Variants in TMEM181 observed in about 807,000 individuals in gnomAD.
TMEM181 encodes transmembrane protein 181.
A neutral mutation model predicts 71.9 loss-of-function variants in TMEM181; 39 were observed. That is an observed-to-expected ratio of 0.54 (90% CI 0.42 to 0.71). TMEM181 has a LOEUF of 0.71. Among genes scored for constraint, TMEM181 ranks in the 30% least tolerant of loss-of-function variants. The probability of loss-of-function intolerance (pLI) is 0.00; values close to 1 mark genes in which losing one functional copy is unlikely to be tolerated. For missense variants in TMEM181, 595 were observed against 583.0 expected, an observed-to-expected ratio of 1.02 and a Z score of -0.21; for synonymous variants, 245 against 228.8, an observed-to-expected ratio of 1.07 and a Z score of -0.64.
chr6:158,628,624 G>A (rs1334369085), intron 14 of TMEM181, 134 bp downstream of exon 14: 19 of 713,782 alleles, frequency 2.7e-5, no homozygotes, highest in Non-Finnish European at 4.4e-5. Flanking sequence ...CCTCGTCTCT[G>A]CTGAGAGGTG....
intron 5 of TMEM181, among the ~76,000 whole-genome samples, chr6:158,589,276 G>A (rs1260683038): frequency 2.0e-5 from 3 of 152,204 alleles, no homozygotes; most frequent in Non-Finnish European, 4.4e-5. Flanking sequence ...TATAACAATC[G>A]CAAAATTGGG....
At chr6:158,559,537 A>C (rs1782033131), upstream of TMEM181, among the ~76,000 whole-genome samples, 1 of 152,224 alleles carries the variant, frequency 6.6e-6, no homozygotes, top group South Asian at 2.1e-4. Flanking sequence ...GGGAACACTG[A>C]GCCAAGATGC....
Position 158,573,520 on chromosome 6 carries a change from A to G in TMEM181, c.109A>G (p.Arg37Gly). 1 of 1,602,956 alleles carries G rather than the reference A, an allele frequency of 6.2e-7. No individual in the cohort carries two copies. Among genetic ancestry groups the G allele is most frequent in the South Asian group, 1.1e-5 (1 of 89,046 alleles). Residue 37 changes from arginine to glycine, a missense_variant, in exon 2 of 17, where the codon AGA (arginine) becomes GGA (glycine). Physicochemically the swap from Arg to Gly is moderately radical, Grantham distance 125. Transcript: ENST00000684151. ...TGGCCTGACCATCTTCGTTGGGATCAGAGGTAAGGTTCGGTTTTTACTCAT... is the reference window on the plus strand; with the variant it reads ...TGGCCTGACCATCTTCGTTGGGATCGGAGGTAAGGTTCGGTTTTTACTCAT... ...CFGLTIFVGI[R>G]GPKVIQTSAA...
At chr6:158,587,123 C>T (rs1057120197) in intron 5 of TMEM181, among the ~76,000 whole-genome samples, 8 of 152,230 alleles carry the variant, frequency 5.3e-5, no homozygotes, top group Admixed American at 2.0e-4. Flanking sequence ...TGAGACCCAT[C>T]GTCCTGGTTT....
At chr6:158,584,267 C>T (rs1028872295) in intron 4 of TMEM181, among the ~76,000 whole-genome samples, 1 of 152,220 alleles carries the variant, frequency 6.6e-6, no homozygotes, top group Non-Finnish European at 1.5e-5. Context: ...TGGTTAGCTC[C>T]GCTCAGTGGC....
rs557553755 is a variant in TMEM181, at chr6:158,591,665, A to ATCAT, written c.492+1886_492+1889dup. On this transcript the variant is annotated intron_variant, in intron 6 of 16. Coordinates refer to ENST00000684151, the MANE Select transcript of TMEM181 (RefSeq NM_001376852.1). ...GTGCTTTAGACTTTGCTATTTCAGAATCATTCTGATTCAACAGTGCAGACA... is the reference window on the plus strand; with the variant it reads ...GTGCTTTAGACTTTGCTATTTCAGAATCATTCATTCTGATTCAACAGTGCAGACA... Among the ~76,000 whole-genome samples the ATCAT allele has an allele frequency of 2.0e-4, 31 of 152,136 alleles. No individual in the cohort carries two copies. The South Asian group carries it at 6.4e-3, about 32-fold the overall frequency.
Position 158,631,748 on chromosome 6 carries a change from TG to T in TMEM181, c.1350-60del, listed in dbSNP as rs1217846852. 5 of 1,504,842 alleles carry T rather than the reference TG, an allele frequency of 3.3e-6. 1 individual carries two copies. Among genetic ancestry groups the T allele is most frequent in the Non-Finnish European group, 4.5e-6 (5 of 1,103,352 alleles). 93.2% of individuals were successfully genotyped at this position (1,504,842 alleles called of 1,614,324 possible). A position where few individuals can be genotyped will look rare whatever the true frequency, so the allele number is the denominator to read the frequency against. On this transcript the variant is annotated intron_variant, in intron 16 of 16. Coordinates refer to ENST00000684151, the MANE Select transcript of TMEM181 (RefSeq NM_001376852.1). The stretch of plus-strand genomic sequence containing the variant: ...TTCCTGCTGGAATGGTGTGTCAGTG[TG>T]GAAGAGGAAAATAAAGAGCTGTCAG...
intron 14 of TMEM181, 143 bp from the exon 15 acceptor site, chr6:158,629,587 G>T: frequency 1.5e-6 from 1 of 656,940 alleles, no homozygotes; most frequent in South Asian, 1.9e-5. Flanking sequence ...GTGGAGTCCT[G>T]ACGTCTGGGT....
intron 10 of TMEM181, among the ~76,000 whole-genome samples, chr6:158,616,249 G>A (rs7775863): frequency 0.6 from 91,167 of 151,718 alleles, 27,726 homozygotes; most frequent in African/African-American, 0.67. Flanking sequence ...TGAAGCAATT[G>A]TGAATGGGAG....
chr6:158,579,483 A>AG (rs1350634278), intron 2 of TMEM181, among the ~76,000 whole-genome samples: 4 of 152,110 alleles, frequency 2.6e-5, no homozygotes, highest in Non-Finnish European at 2.9e-5. Context: ...GCACTTTGGG[A>AG]GGGAGAGGTG....
intron 2 of TMEM181, among the ~76,000 whole-genome samples, chr6:158,576,903 A>G (rs1288959529): frequency 6.6e-6 from 1 of 152,058 alleles, no homozygotes; most frequent in Non-Finnish European, 1.5e-5. Context: ...TCTGCTAAAA[A>G]TACAAAAAAT....
chr6:158,613,459 G>C (rs1366751558), intron 10 of TMEM181, among the ~76,000 whole-genome samples: 1 of 152,164 alleles, frequency 6.6e-6, no homozygotes, highest in Non-Finnish European at 1.5e-5. Context: ...CCATGGATTT[G>C]TACCATTAAA....
At chr6:158,610,483 ACAGTGGGTAT>A in intron 10 of TMEM181, 1 of 334,862 alleles carries the variant, frequency 3.0e-6, no homozygotes, top group Non-Finnish European at 5.5e-6. Flanking sequence ...TATCCAAATG[ACAGTGGGTAT>A]CAGTGAAGCC....
intron 3 of TMEM181, among the ~76,000 whole-genome samples, chr6:158,581,753 CA>C (rs10626721): frequency 5.0e-3 from 308 of 62,146 alleles, no homozygotes; most frequent in African/African-American, 0.016. Flanking sequence ...GACTCTGTCT[CA>C]AAAAAAAAAA....
intron 10 of TMEM181, among the ~76,000 whole-genome samples, chr6:158,611,843 TAA>T (rs1356500317): frequency 1.3e-5 from 2 of 152,210 alleles, no homozygotes; most frequent in Non-Finnish European, 2.9e-5. Context: ...TCTTACAGGC[TAA>T]GAGTATTTAA....
intron 10 of TMEM181, among the ~76,000 whole-genome samples, chr6:158,622,116 A>G (rs1486347489): frequency 1.3e-5 from 2 of 152,212 alleles, no homozygotes; most frequent in Non-Finnish European, 2.9e-5. Context: ...CCTCTGCCCA[A>G]GATGACACCA....
In TMEM181 at chr6:158,625,160, C is replaced by G. The variant is rs1336901233; in HGVS notation, c.1011C>G (p.Phe337Leu). The change falls in exon 12 of 17, where the codon TTC (phenylalanine) becomes TTG (leucine). Residue 337 changes from phenylalanine to leucine, a missense_variant. Phe to Leu is a conservative substitution (Grantham distance 22, BLOSUM62 0). Transcript: ENST00000684151. ...CGGTGTACATTCTGTACCTCTTGTT[C>G]TTGATAGTGCGGGCGTGTTCCGAGC... The part of the protein sequence containing the change: ...VAAVYILYLL[F>L]LIVRACSELR... 2 of 1,614,184 alleles carry G rather than the reference C, an allele frequency of 1.2e-6. No homozygotes were observed. Among genetic ancestry groups the G allele is most frequent in the Non-Finnish European group, 1.7e-6 (2 of 1,180,034 alleles).
intron 10 of TMEM181, among the ~76,000 whole-genome samples, chr6:158,612,088 A>G (rs1785362430): frequency 6.6e-6 from 1 of 152,016 alleles, no homozygotes; most frequent in East Asian, 1.9e-4. Context: ...TTGGGGGCCC[A>G]TTTACACTCC....
At chr6:158,585,536 T>A in intron 5 of TMEM181, 111 bp downstream of exon 5, 1 of 1,281,914 alleles carries the variant, frequency 7.8e-7, no homozygotes. Context: ...CGAGAAATTG[T>A]TCTTAAGTGA....
Sources: gnomAD v4.1 joint callset for allele counts (sites outside exome capture counted in the v4.1 genomes callset) on GRCh38, gnomAD v4.1.1 for gene constraint, MANE v1.5 for transcripts, NCBI Gene and HGNC (gene_info 2026-07-23, HGNC 2026-07-21) for gene names.